Variants in RAB11FIP4 observed in about 807,000 individuals in gnomAD.
RAB11FIP4 encodes RAB11 family interacting protein 4.
RAB11FIP4 carries 23 observed loss-of-function variants against 74.3 expected under a neutral mutation model. The observed-to-expected ratio is 0.31, with a 90% CI of 0.22 to 0.44. The LOEUF (loss-of-function observed/expected upper bound fraction) is 0.44. Among genes scored for constraint, RAB11FIP4 ranks in the 20% least tolerant of loss-of-function variants. The pLI is 1.00. For missense variants in RAB11FIP4, 630 were observed against 863.9 expected, an observed-to-expected ratio of 0.73 and a Z score of 3.39; for synonymous variants, 360 against 359.9, an observed-to-expected ratio of 1.00 and a Z score of 0.00.
intron 3 of RAB11FIP4, among the ~76,000 whole-genome samples, chr17:31,468,573 G>T (rs2071707662): frequency 2.0e-5 from 3 of 152,138 alleles, no homozygotes; most frequent in Non-Finnish European, 4.4e-5. Flanking sequence ...TCTCATGCCT[G>T]TAATCCCAGC....
intron 3 of RAB11FIP4, among the ~76,000 whole-genome samples, chr17:31,510,484 T>G (rs2072432112): frequency 6.6e-6 from 1 of 152,218 alleles, no homozygotes; most frequent in South Asian, 2.1e-4. Flanking sequence ...CACAGAGCTG[T>G]TCTTTGGCTC....
chr17:31,444,048 A>G (rs2071428634), intron 3 of RAB11FIP4, among the ~76,000 whole-genome samples: 1 of 152,222 alleles, frequency 6.6e-6, no homozygotes, highest in Non-Finnish European at 1.5e-5. Flanking sequence ...TAAAATGATG[A>G]TAACCTGTGC....
rs2072991321 is a variant in RAB11FIP4 at position 31,537,785 on chromosome 17, T to G, written c.*6053T>G. 1 of 152,748 alleles carries G rather than the reference T, an allele frequency of 6.5e-6. No homozygotes were observed. The highest frequency in any genetic ancestry group is 1.5e-5 in the Non-Finnish European group (1 of 68,154). 9.5% of individuals were successfully genotyped at this position (152,748 alleles called of 1,614,324 possible). ...GTCTGCTGAGGTGCTCAGACCAGAG[T>G]GCCATTAAATACCAACTGATGTCAC... On this transcript the variant is annotated 3_prime_UTR_variant, in exon 15 of 15. Coordinates refer to ENST00000621161, the MANE Select transcript of RAB11FIP4 (RefSeq NM_032932.6).
chr17:31,448,412 G>GTTT (rs2071491257), intron 3 of RAB11FIP4: 1 of 99,040 alleles, frequency 1.0e-5, no homozygotes, highest in Non-Finnish European at 2.0e-5. Flanking sequence ...TTTTTTTTTT[G>GTTT]GCAGAGACCG....
At chr17:31,520,729 G>C (rs1022118084) in intron 4 of RAB11FIP4, among the ~76,000 whole-genome samples, 1 of 152,128 alleles carries the variant, frequency 6.6e-6, no homozygotes. Context: ...GGATGGTCTC[G>C]ATCTCCTGAC....
At chr17:31,484,392 A>G (rs1317469906) in intron 3 of RAB11FIP4, among the ~76,000 whole-genome samples, 1 of 151,994 alleles carries the variant, frequency 6.6e-6, no homozygotes, top group Non-Finnish European at 1.5e-5. Flanking sequence ...CTTTAAAAAA[A>G]AAAAGGAACC....
At chr17:31,433,349 T>C (rs1289684158) in intron 2 of RAB11FIP4, among the ~76,000 whole-genome samples, 1 of 151,648 alleles carries the variant, frequency 6.6e-6, no homozygotes, top group Non-Finnish European at 1.5e-5. Context: ...CCTGGGAGGG[T>C]GGAACGATGC....
chr17:31,529,466 C>G (rs1177363120), intron 13 of RAB11FIP4, among the ~76,000 whole-genome samples: 1 of 152,060 alleles, frequency 6.6e-6, no homozygotes, highest in African/African-American at 2.4e-5. Context: ...GAGATGGGGT[C>G]TCCCTATATT....
chr17:31,516,412 C>A (rs946161232), intron 3 of RAB11FIP4, among the ~76,000 whole-genome samples: 3 of 152,032 alleles, frequency 2.0e-5, no homozygotes, highest in African/African-American at 7.2e-5. Flanking sequence ...GCGTCTTGAA[C>A]AAAAATTGGA....
chr17:31,461,741 A>G (rs146086730), intron 3 of RAB11FIP4, among the ~76,000 whole-genome samples: 1,631 of 150,974 alleles, frequency 0.011, 35 homozygotes, highest in African/African-American at 0.038. Flanking sequence ...TTTTTGAGAC[A>G]AGGTCTTGCT....
At chr17:31,474,333 G>C (rs1052523840) in intron 3 of RAB11FIP4, among the ~76,000 whole-genome samples, 4 of 152,166 alleles carry the variant, frequency 2.6e-5, no homozygotes, top group Non-Finnish European at 4.4e-5. Context: ...CCAACCTTGA[G>C]AGCTGAGGAG....
intron 3 of RAB11FIP4, among the ~76,000 whole-genome samples, chr17:31,513,164 G>C (rs1274248217): frequency 2.6e-5 from 4 of 152,122 alleles, no homozygotes; most frequent in Admixed American, 6.5e-5. Context: ...TGCTCAACAG[G>C]GGGCTCCGCG....
At chr17:31,483,273 G>C (rs2071869132) in intron 3 of RAB11FIP4, among the ~76,000 whole-genome samples, 1 of 145,692 alleles carries the variant, frequency 6.9e-6, no homozygotes, top group Admixed American at 6.9e-5. Flanking sequence ...GCCCTGCTAA[G>C]ATGGACCAGG....
At position 31,536,957 on chromosome 17, in the gene RAB11FIP4, C is replaced by G; in HGVS notation, c.*5225C>G. 2.5e-6 allele frequency: 1 copy of G among 399,158 alleles called. No individual in the cohort carries two copies. The allele number at this position is 399,158 out of a possible 1,614,324, so 24.7% of individuals were successfully genotyped here. ...CCTCGTAGGTTGCTCCTTTCCCCAT[C>G]TGTAAGGTAGAGATGTCTGCCCCGG... On this transcript the variant is annotated 3_prime_UTR_variant, in exon 15 of 15. Coordinates refer to ENST00000621161, the MANE Select transcript of RAB11FIP4 (RefSeq NM_032932.6).
At chr17:31,445,556 ATATATATATATATATATATATATTTTTT>A (rs1477850426) in intron 3 of RAB11FIP4, among the ~76,000 whole-genome samples, 1,556 of 18,920 alleles carry the variant, frequency 0.082, 99 homozygotes, top group Non-Finnish European at 0.13. Flanking sequence ...ATATATATAT[ATATATATATATATATATATATATTTTTT>A]TTTTTTTTTT....
chr17:31,517,631 C>T lies in RAB11FIP4; in HGVS notation c.337-20C>T, dbSNP rs765014270. On this transcript the variant is annotated intron_variant, in intron 3 of 14. Coordinates refer to ENST00000621161, the MANE Select transcript of RAB11FIP4 (RefSeq NM_032932.6). ...GGGAAGCTGGCCTCACTTATCTTGT[C>T]TCTGCTCTCTCTTTCCCAGGGCAGC... 3.2e-6 allele frequency: 5 copies of T among 1,579,880 alleles called. No homozygotes were observed. The highest frequency in any genetic ancestry group is 1.8e-5 in the Admixed American group (1 of 54,376).
chr17:31,391,795 C>G lies in RAB11FIP4; in HGVS notation c.-58C>G. 2 of 974,148 alleles carry G rather than the reference C, an allele frequency of 2.1e-6. No individual in the cohort carries two copies. The highest frequency in any genetic ancestry group is 2.4e-6 in the Non-Finnish European group (2 of 822,264). 60.3% of individuals were successfully genotyped at this position (974,148 alleles called of 1,614,324 possible). A position where few individuals can be genotyped will look rare whatever the true frequency, so the allele number is the denominator to read the frequency against. On this transcript the variant is annotated 5_prime_UTR_variant, in exon 1 of 15. Coordinates refer to ENST00000621161, the MANE Select transcript of RAB11FIP4 (RefSeq NM_032932.6). ...GGAGGGCGCGCGGCGATGGCGGCGG[C>G]GGGCAGGCGGCGGGCGCGGCGGGCG...
At chr17:31,436,558 G>A (rs2071358866) in intron 3 of RAB11FIP4, among the ~76,000 whole-genome samples, 1 of 152,108 alleles carries the variant, frequency 6.6e-6, no homozygotes, top group Non-Finnish European at 1.5e-5. Flanking sequence ...GATGAGCAGG[G>A]GGTGCAGAAG....
intron 3 of RAB11FIP4, among the ~76,000 whole-genome samples, chr17:31,441,388 G>A (rs2071405927): frequency 6.6e-6 from 1 of 152,048 alleles, no homozygotes; most frequent in African/African-American, 2.4e-5. Context: ...GACTATATTT[G>A]GAGTTTTTGT....
Sources: gnomAD v4.1 joint callset for allele counts (sites outside exome capture counted in the v4.1 genomes callset) on GRCh38, gnomAD v4.1.1 for gene constraint, MANE v1.5 for transcripts, NCBI Gene and HGNC (gene_info 2026-07-23, HGNC 2026-07-21) for gene names.